ACCSL: variants seen among roughly 807,000 people sequenced by gnomAD.
The protein encoded by ACCSL is 1-aminocyclopropane-1-carboxylate synthase homolog (inactive) like, also known as probable inactive 1-aminocyclopropane-1-carboxylate synthase-like protein 2.
In ACCSL, 55 loss-of-function variants were observed where a neutral mutation model predicts 61.7. That is an observed-to-expected ratio of 0.89 (90% CI 0.72 to 1.12). The LOEUF is 1.12. ACCSL is among the 50% of genes most tolerant of loss of function. The pLI, the probability that ACCSL is intolerant of heterozygous loss-of-function variation, is 0.00. For missense variants in ACCSL, 632 were observed against 698.0 expected, an observed-to-expected ratio of 0.91 and a Z score of 1.07; for synonymous variants, 258 against 264.3, an observed-to-expected ratio of 0.98 and a Z score of 0.23.
the ACCSL span, among the ~76,000 whole-genome samples, chr11:43,950,016 AT>A: frequency 6.6e-6 from 1 of 152,204 alleles, no homozygotes; most frequent in Non-Finnish European, 1.5e-5. Context: ...ACAAATGCAT[AT>A]CTGATTCTTT....
rs1451360960 is a variant in ACCSL at position 44,058,315 on chromosome 11, A to G, written c.1328-2A>G. ...GACAGTGTTTTTCCTCTACCCATCC[A>G]GAATGGATTGACAAAGTATACCTAC... On this transcript the variant is annotated splice_acceptor_variant, in intron 11 of 13. Transcript: ENST00000378832. LOFTEE classifies it high-confidence loss of function. 6.2e-7 allele frequency: 1 copy of G among 1,614,218 alleles called. No homozygotes were observed. Among genetic ancestry groups the G allele is most frequent in the Admixed American group, 1.7e-5 (1 of 60,034 alleles).
In ACCSL at chr11:44,051,211, T is replaced by C; in HGVS notation, c.636-124T>C. 3.2e-6 allele frequency: 3 copies of C among 930,112 alleles called. No homozygotes were observed. In the South Asian group the frequency reaches 4.0e-5, roughly 12 times the overall value. 57.6% of individuals were successfully genotyped at this position (930,112 alleles called of 1,614,324 possible). On this transcript the variant is annotated intron_variant, in intron 3 of 13. Transcript: ENST00000378832. Reference sequence around the variant, plus strand: ...TTGGGGAGTTGATGGTCTTAGTCAGTAGCCCTGTAATATGAGGTTGGACTG... The same window carrying C: ...TTGGGGAGTTGATGGTCTTAGTCAGCAGCCCTGTAATATGAGGTTGGACTG...
At chr11:43,943,647 G>GC in the ACCSL span, 4 of 1,305,118 alleles carry the variant, frequency 3.1e-6, no homozygotes, top group Middle Eastern at 2.1e-4. The surrounding 1 kb of genome is among the most constrained non-coding windows in gnomAD (Gnocchi z 4.8). Flanking sequence ...GCTCCACCGT[G>GC]CCCCCCAGCG....
In ACCSL at chr11:44,055,215, G is replaced by A. The variant is rs1194435549; in HGVS notation, c.1063G>A (p.Val355Met). The A allele has an allele frequency of 2.5e-6, 4 of 1,609,970 alleles. No homozygotes were observed. Among genetic ancestry groups the A allele is most frequent in the Non-Finnish European group, 3.4e-6 (4 of 1,176,734 alleles). Residue 355 changes from valine (V) to methionine (M), a missense_variant, in exon 9 of 14, where the codon GTG becomes ATG. Coordinates refer to ENST00000378832, the MANE Select transcript of ACCSL (RefSeq NM_001031854.2). ...LEFAKRYNLHVIIDEIYMLSV... is the reference protein window; with the variant it reads ...LEFAKRYNLHMIIDEIYMLSV... The stretch of plus-strand genomic sequence containing the variant: ...TCTAATCTACAGGTATAACCTACAT[G>A]TGATCATAGATGAGATTTACATGCT...
At chr11:44,035,950 A>G in the ACCSL span, among the ~76,000 whole-genome samples, 1 of 151,580 alleles carries the variant, frequency 6.6e-6, no homozygotes, top group Admixed American at 6.6e-5. Context: ...AAAAAAAAAA[A>G]AAAAAAAAAA....
the ACCSL span, among the ~76,000 whole-genome samples, chr11:43,936,997 AT>A: frequency 6.6e-6 from 1 of 151,728 alleles, no homozygotes; most frequent in African/African-American, 2.4e-5. Context: ...CCTCTTTCTT[AT>A]TTTCACTGCC....
At chr11:44,059,769 G>T (rs1952696144) in intron 13 of ACCSL, 69 bp from the exon 14 acceptor site, 1 of 1,318,420 alleles carries the variant, frequency 7.6e-7, no homozygotes, top group Non-Finnish European at 1.1e-6. Context: ...CATGACCTGG[G>T]TATGTCTGGG....
chr11:43,954,944 G>A, the ACCSL span, among the ~76,000 whole-genome samples: 2 of 152,112 alleles, frequency 1.3e-5, no homozygotes, highest in Non-Finnish European at 2.9e-5. Flanking sequence ...TCCAGCTGCC[G>A]GCATTCACCT....
At chr11:44,057,946 G>A (rs1952681658) in intron 11 of ACCSL, among the ~76,000 whole-genome samples, 1 of 152,046 alleles carries the variant, frequency 6.6e-6, no homozygotes. Flanking sequence ...GCAGAGGCAG[G>A]TGGATCACTT....
the ACCSL span, among the ~76,000 whole-genome samples, chr11:43,936,088 G>A: frequency 6.6e-6 from 1 of 152,218 alleles, no homozygotes; most frequent in Admixed American, 6.5e-5. Flanking sequence ...GGCCTTTGGA[G>A]GAAAGAAAAA....
the ACCSL span, among the ~76,000 whole-genome samples, chr11:43,968,370 CA>C: frequency 6.6e-6 from 1 of 152,032 alleles, no homozygotes; most frequent in Admixed American, 6.5e-5. Flanking sequence ...CTTTGCCCCC[CA>C]ACCCCCGCAA....
the ACCSL span, among the ~76,000 whole-genome samples, chr11:43,939,570 C>T: frequency 1.3e-5 from 2 of 151,622 alleles, no homozygotes; most frequent in African/African-American, 4.8e-5. Flanking sequence ...GTCAATGGCA[C>T]CACCATCACA....
chr11:43,936,825 C>T, the ACCSL span, among the ~76,000 whole-genome samples: 1 of 151,916 alleles, frequency 6.6e-6, no homozygotes, highest in Admixed American at 6.5e-5. Context: ...GTGGTAAGCC[C>T]CGGGGATCTA....
the ACCSL span, among the ~76,000 whole-genome samples, chr11:43,993,850 C>T: frequency 2.6e-5 from 4 of 152,168 alleles, no homozygotes; most frequent in African/African-American, 4.8e-5. Flanking sequence ...AGCGATTGGG[C>T]GGTGAACGGG....
At chr11:44,040,308 T>C in the ACCSL span, among the ~76,000 whole-genome samples, 559 of 152,310 alleles carry the variant, frequency 3.7e-3, 2 homozygotes, top group African/African-American at 0.013. Flanking sequence ...CCTAGCCTAC[T>C]TCAAAGAGCC....
At position 44,059,937 on chromosome 11, in the gene ACCSL, C is replaced by G; in HGVS notation, c.*17C>G. The G allele has an allele frequency of 1.2e-6, 2 of 1,610,366 alleles. No individual in the cohort carries two copies. The highest frequency in any genetic ancestry group is 1.7e-6 in the Non-Finnish European group (2 of 1,177,074). On this transcript the variant is annotated 3_prime_UTR_variant, in exon 14 of 14. Coordinates refer to ENST00000378832, the MANE Select transcript of ACCSL (RefSeq NM_001031854.2). ...AGGGAGTAGGCCGTCTGCCTCCCAA[C>G]CAGCAGTTCCAGCCCATCACTTGCT...
At chr11:44,053,220 C>A in intron 7 of ACCSL, 152 bp downstream of exon 7, 2 of 843,186 alleles carry the variant, frequency 2.4e-6, no homozygotes, top group Non-Finnish European at 3.8e-6. Context: ...TCCCTCTAGT[C>A]CTGTGGGGAT....
the ACCSL span, among the ~76,000 whole-genome samples, chr11:44,011,821 G>A: frequency 6.6e-6 from 1 of 152,076 alleles, no homozygotes; most frequent in African/African-American, 2.4e-5. Flanking sequence ...TGGTTGAGAA[G>A]TTAAAAGAAC....
Position 44,056,088 on chromosome 11 carries a change from G to T in ACCSL, c.1185+3G>T. ...ATGTGATCTGGGGTACCAGTAAGGTGAGCCATTGCTTTCTCTCCTTGGCTA... is the reference window on the plus strand; with the variant it reads ...ATGTGATCTGGGGTACCAGTAAGGTTAGCCATTGCTTTCTCTCCTTGGCTA... On this transcript the variant is annotated splice_donor_region_variant and intron_variant, in intron 10 of 13. Transcript: ENST00000378832. The T allele has an allele frequency of 6.2e-7, 1 of 1,614,200 alleles. No individual in the cohort carries two copies. The highest frequency in any genetic ancestry group is 2.2e-5 in the East Asian group (1 of 44,890).
Sources: allele counts gnomAD v4.1 joint callset (sites outside exome capture counted in the v4.1 genomes callset), GRCh38; gene constraint gnomAD v4.1.1; non-coding constraint Gnocchi (gnomAD v3.1); transcripts MANE v1.5; gene names NCBI Gene and HGNC (gene_info 2026-07-23, HGNC 2026-07-21).